ZPBP: variants seen among roughly 807,000 people sequenced by gnomAD.
ZPBP encodes the protein zona pellucida binding protein, also known as zona pellucida-binding protein 1.
A neutral mutation model predicts 44.8 loss-of-function variants in ZPBP; 26 were observed. That is an observed-to-expected ratio of 0.58 (90% CI 0.43 to 0.81). The LOEUF is 0.81. Ranked by LOEUF, ZPBP falls within the 30% of genes least tolerant of loss-of-function variation. The pLI, the probability that ZPBP is intolerant of heterozygous loss-of-function variation, is 0.00. For synonymous variants in ZPBP, 174 were observed against 153.2 expected, an observed-to-expected ratio of 1.14 and a Z score of -1.00; for missense variants, 409 against 434.0, an observed-to-expected ratio of 0.94 and a Z score of 0.51.
Position 49,852,664 on chromosome 7 carries a change from A to G in ZPBP, n.510-2150T>C, listed in dbSNP as rs188701234. Among the ~76,000 whole-genome samples, 1,132 of 151,840 alleles carry G rather than the reference A, an allele frequency of 7.5e-3. 9 individuals carry two copies. Among genetic ancestry groups the G allele is most frequent in the Non-Finnish European group, 0.01 (698 of 68,016 alleles). ...TGTCTCACCTCCCCTCTTCAGAAAG[A>G]GCCCTACCACCTTGGTGTGACGGAT... is the stretch of plus-strand genomic sequence containing the variant. On this transcript the variant is annotated intron_variant and non_coding_transcript_variant, in intron 2 of 2. Transcript: ENST00000465922.
intron 4 of ZPBP, among the ~76,000 whole-genome samples, chr7:50,051,087 A>C (rs1239646041): frequency 6.6e-6 from 1 of 152,184 alleles, no homozygotes; most frequent in Non-Finnish European, 1.5e-5. Flanking sequence ...AAACAAATTT[A>C]CAAGAAAAAA....
chr7:50,024,390 A>G (rs906352780), intron 5 of ZPBP, among the ~76,000 whole-genome samples: 1 of 152,028 alleles, frequency 6.6e-6, no homozygotes, highest in Non-Finnish European at 1.5e-5. Context: ...ATAACAGCCA[A>G]GATATGGAAA....
intron 6 of ZPBP, among the ~76,000 whole-genome samples, chr7:50,010,823 T>C (rs1798532598): frequency 6.8e-6 from 1 of 147,750 alleles, no homozygotes; most frequent in African/African-American, 2.5e-5. Flanking sequence ...AATACCATCA[T>C]CATTCTTCAG....
chr7:50,023,590 C>T (rs1199677888), intron 5 of ZPBP, among the ~76,000 whole-genome samples: 1 of 152,042 alleles, frequency 6.6e-6, no homozygotes, highest in African/African-American at 2.4e-5. Flanking sequence ...TTTCCACACA[C>T]ATACACACAC....
At chr7:49,951,732 G>T (rs1271356267) in intron 7 of ZPBP, among the ~76,000 whole-genome samples, 1 of 151,348 alleles carries the variant, frequency 6.6e-6, no homozygotes, top group Non-Finnish European at 1.5e-5. Context: ...TCCACTCTTG[G>T]TATGTACCCA....
chr7:50,026,877 T>C (rs1282132229), intron 5 of ZPBP, among the ~76,000 whole-genome samples: 1 of 151,942 alleles, frequency 6.6e-6, no homozygotes, highest in Non-Finnish European at 1.5e-5. Flanking sequence ...AAATACTCCT[T>C]CCTGAAAGGC....
intron 5 of ZPBP, among the ~76,000 whole-genome samples, chr7:50,019,906 A>T (rs1799007144): frequency 6.6e-6 from 1 of 152,006 alleles, no homozygotes; most frequent in African/African-American, 2.4e-5. Flanking sequence ...AAGTCCTTTT[A>T]AAAAATGAGA....
In ZPBP at chr7:49,850,567, T is replaced by G. The variant is rs567409930; in HGVS notation, n.510-53A>C. 16 of 152,318 alleles carry G rather than the reference T, an allele frequency of 1.1e-4. No individual in the cohort carries two copies. In the East Asian group the frequency reaches 2.1e-3, roughly 20 times the overall value. 9.4% of individuals were successfully genotyped at this position (152,318 alleles called of 1,614,324 possible). A position where few individuals can be genotyped will look rare whatever the true frequency, so the allele number is the denominator to read the frequency against. On this transcript the variant is annotated intron_variant and non_coding_transcript_variant, in intron 2 of 2. Coordinates refer to the ZPBP transcript ENST00000465922. ...CAGGTGCATGCATGAACTCACAAGA[T>G]GTCCACACACAGCAGCCTCATCAGT...
chr7:49,981,342 A>AC, intron 7 of ZPBP, among the ~76,000 whole-genome samples: 1 of 17,408 alleles, frequency 5.7e-5, no homozygotes, highest in Non-Finnish European at 1.0e-4. Flanking sequence ...AATTATATAT[A>AC]TTATATAATA....
intron 1 of ZPBP, 168 bp downstream of exon 1, chr7:50,092,900 G>A (rs1562624629): frequency 9.6e-7 from 1 of 1,039,320 alleles, no homozygotes; most frequent in East Asian, 2.9e-5. Flanking sequence ...TGCAAATGCA[G>A]AGTGACTTTG....
chr7:50,048,176 A>G (rs569686495), intron 4 of ZPBP, among the ~76,000 whole-genome samples: 7 of 152,308 alleles, frequency 4.6e-5, no homozygotes, highest in Non-Finnish European at 5.9e-5. Flanking sequence ...TAAAGAAAAA[A>G]GGGACTTTTA....
intron 5 of ZPBP, among the ~76,000 whole-genome samples, chr7:50,027,130 T>C (rs192297981): frequency 4.0e-4 from 36 of 89,972 alleles, no homozygotes; most frequent in African/African-American, 1.5e-3. Context: ...TAAGACCCTA[T>C]TGTTAATATG....
intron 3 of ZPBP, among the ~76,000 whole-genome samples, chr7:50,063,035 G>C (rs1434096824): frequency 6.6e-6 from 1 of 152,062 alleles, no homozygotes. Flanking sequence ...GAGAAACAAA[G>C]ACAGTTATTC....
chr7:49,900,982 CGAT>C (rs1792693354), intron 2 of ZPBP: 1 of 151,702 alleles, frequency 6.6e-6, no homozygotes. Flanking sequence ...AGAAAAATCA[CGAT>C]GATATCAGTA....
At chr7:49,885,410 T>C (rs1177896273) in intron 2 of ZPBP, among the ~76,000 whole-genome samples, 1 of 152,020 alleles carries the variant, frequency 6.6e-6, no homozygotes, top group East Asian at 1.9e-4. Flanking sequence ...AAATTAAGAA[T>C]AAAAATTTAC....
intron 6 of ZPBP, among the ~76,000 whole-genome samples, chr7:50,016,860 T>C (rs560762150): frequency 5.9e-5 from 9 of 152,230 alleles, no homozygotes; most frequent in Admixed American, 3.9e-4. Flanking sequence ...AAATCCTAAA[T>C]CTTATTTCAA....
At chr7:50,008,128 T>A (rs762702861) in intron 6 of ZPBP, among the ~76,000 whole-genome samples, 9 of 152,032 alleles carry the variant, frequency 5.9e-5, no homozygotes, top group Non-Finnish European at 1.0e-4. Flanking sequence ...ACTTGTAAGA[T>A]TCCACACCAA....
chr7:49,884,317 G>T (rs1791804244), intron 2 of ZPBP, among the ~76,000 whole-genome samples: 1 of 152,240 alleles, frequency 6.6e-6, no homozygotes, highest in African/African-American at 2.4e-5. Flanking sequence ...AGCATGGAGA[G>T]CCAATCACTG....
chr7:49,945,823 T>A (rs999348531), intron 7 of ZPBP, among the ~76,000 whole-genome samples: 11 of 152,156 alleles, frequency 7.2e-5, no homozygotes, highest in African/African-American at 2.7e-4. Context: ...GAGAGTTTAG[T>A]GCATTTATAT....
Sources: allele counts gnomAD v4.1 joint callset (sites outside exome capture counted in the v4.1 genomes callset), GRCh38; gene constraint gnomAD v4.1.1; transcripts MANE v1.5; gene names NCBI Gene and HGNC (gene_info 2026-07-23, HGNC 2026-07-21).